MORN1: variants seen among roughly 807,000 people sequenced by gnomAD.
MORN1 encodes MORN repeat-containing protein 1.
Under a neutral mutation model 61.9 loss-of-function variants are expected in MORN1, and 67 were observed. That is an observed-to-expected ratio of 1.08 (90% CI 0.89 to 1.33). The LOEUF (loss-of-function observed/expected upper bound fraction) is 1.33. Among genes scored for constraint, MORN1 ranks in the 40% most tolerant of loss-of-function variants. MORN1 has a pLI of 0.00. For synonymous variants in MORN1, 301 were observed against 292.0 expected, an observed-to-expected ratio of 1.03 and a Z score of -0.31; for missense variants, 752 against 691.2, an observed-to-expected ratio of 1.09 and a Z score of -0.99.
chr1:2,389,956 A>G lies in MORN1; in HGVS notation c.117T>C (p.Tyr39=), dbSNP rs1413087478. The change falls in exon 2 of 14, where the codon TAT becomes TAC. Residue 39 remains tyrosine (Y), a synonymous_variant. Transcript: ENST00000378531. The part of the protein sequence containing the change: ...VYVYPNSFFR[Y]EGEWKAGRKH... Reference sequence around the variant, plus strand: ...TCCTCCCTGCTTTCCATTCTCCTTCATATCGAAAGAAGGAATTTGGGTATA... The same window carrying G: ...TCCTCCCTGCTTTCCATTCTCCTTCGTATCGAAAGAAGGAATTTGGGTATA... 6.2e-7 allele frequency: 1 copy of G among 1,613,972 alleles called. No homozygotes were observed. The highest frequency in any genetic ancestry group is 1.3e-5 in the African/African-American group (1 of 74,918).
intron 8 of MORN1, among the ~76,000 whole-genome samples, chr1:2,360,204 C>A (rs1641863424): frequency 6.6e-6 from 1 of 152,162 alleles, no homozygotes; most frequent in Admixed American, 6.5e-5. Context: ...AGGAACCCAG[C>A]CTCTCATCTT....
intron 13 of MORN1, 21 bp from the exon 14 acceptor site, chr1:2,321,600 G>A: frequency 6.8e-7 from 1 of 1,461,032 alleles, no homozygotes; most frequent in South Asian, 1.4e-5. Context: ...CGGGTGGGCT[G>A]GTCCTCAGCA....
chr1:2,385,740 A>G (rs1167950394), intron 5 of MORN1, 67 bp downstream of exon 5: 18 of 1,461,114 alleles, frequency 1.2e-5, no homozygotes, highest in Admixed American at 1.0e-4. Context: ...CCCCCAGGCC[A>G]CATGGCCTCA....
At position 2,337,936 on chromosome 1, in the gene MORN1, C is replaced by G. The variant is rs1401126512; in HGVS notation, c.1037-1086G>C. ...CTCCAGGATGGATAGAAGGGTGGAG[C>G]CAAGACAGTGCCCAGGAGGGAAGGA... On this transcript the variant is annotated intron_variant, in intron 10 of 13. Transcript: ENST00000378531. This position sits in a 1 kb window ranked among gnomAD's most constrained non-coding sequence, Gnocchi z 5.7. Among the ~76,000 whole-genome samples the G allele has an allele frequency of 1.3e-5, 2 of 152,172 alleles. No homozygotes were observed. The highest frequency in any genetic ancestry group is 4.8e-5 in the African/African-American group (2 of 41,450).
At chr1:2,383,666 G>A (rs1240322737) in intron 6 of MORN1, among the ~76,000 whole-genome samples, 1 of 152,216 alleles carries the variant, frequency 6.6e-6, no homozygotes, top group Non-Finnish European at 1.5e-5. Flanking sequence ...CCTGCGCTGC[G>A]TTTAGAGACC....
intron 12 of MORN1, among the ~76,000 whole-genome samples, chr1:2,327,768 C>T (rs1322010298): frequency 2.0e-5 from 3 of 152,352 alleles, no homozygotes; most frequent in South Asian, 2.1e-4. Context: ...GTGCTGCGCC[C>T]GGCTCCCTCC....
rs1398602685 is a variant in MORN1, at chr1:2,337,010, T to A, written c.1037-160A>T. 6.6e-6 allele frequency among the ~76,000 whole-genome samples: 1 copy of A among 151,958 alleles called. No individual in the cohort carries two copies. The highest frequency in any genetic ancestry group is 1.5e-5 in the Non-Finnish European group (1 of 67,948). ...GGGGCAGGTCAGGGGGCAGGGACTG[T>A]CCATCCTGGGTGCTCCCTCCGGCCG... On this transcript the variant is annotated intron_variant, in intron 10 of 13. Coordinates refer to ENST00000378531, the MANE Select transcript of MORN1 (RefSeq NM_024848.3). The surrounding 1 kb of genome is among the most constrained non-coding windows in gnomAD (Gnocchi z 5.7).
chr1:2,351,632 GC>G, intron 10 of MORN1: 2 of 314,668 alleles, frequency 6.4e-6, no homozygotes, highest in Non-Finnish European at 1.2e-5. Flanking sequence ...GGCGCCCCCA[GC>G]AAGCTTCTTT....
chr1:2,336,924 C>T (rs1641293168), intron 10 of MORN1, 74 bp from the exon 11 acceptor site: 13 of 1,411,246 alleles, frequency 9.2e-6, no homozygotes, highest in Admixed American at 5.9e-5. Context: ...CAGGGCTGTG[C>T]TGAAGTGTGG....
At chr1:2,368,051 C>A (rs952513699) in intron 8 of MORN1, among the ~76,000 whole-genome samples, 2 of 152,202 alleles carry the variant, frequency 1.3e-5, no homozygotes, top group Non-Finnish European at 2.9e-5. Flanking sequence ...TGGGTTTCAT[C>A]GAAACTTAAA....
Position 2,374,395 on chromosome 1 carries a change from C to T in MORN1, c.634+66G>A, listed in dbSNP as rs1570020818. ...TTGGTCAGTGTTTCCCATATGGCTG[C>T]CCGGGGGCCAGGGACACACCCCACA... On this transcript the variant is annotated intron_variant, in intron 7 of 13. Coordinates refer to ENST00000378531, the MANE Select transcript of MORN1 (RefSeq NM_024848.3). 5.6e-6 allele frequency: 8 copies of T among 1,423,908 alleles called. No homozygotes were observed. The South Asian group carries it at 9.9e-5, about 18-fold the overall frequency. The allele number at this position is 1,423,908 out of a possible 1,614,324, so 88.2% of individuals were successfully genotyped here.
rs1182397279 is a variant in MORN1 at position 2,357,675 on chromosome 1, C to T, written c.870-77G>A. ...GTGCAGGCAGACAGCGTGGCCCACG[C>T]CCTGGACCCTGGGACTTGCCTACAC... On this transcript the variant is annotated intron_variant, in intron 9 of 13. Coordinates refer to ENST00000378531, the MANE Select transcript of MORN1 (RefSeq NM_024848.3). This position sits in a 1 kb window ranked among gnomAD's most constrained non-coding sequence, Gnocchi z 6.3. 7 of 1,480,576 alleles carry T rather than the reference C, an allele frequency of 4.7e-6. No homozygotes were observed. Among genetic ancestry groups the T allele is most frequent in the African/African-American group, 2.8e-5 (2 of 70,660 alleles). The allele number at this position is 1,480,576 out of a possible 1,614,324, so 91.7% of individuals were successfully genotyped here.
At chr1:2,383,339 GGA>G (rs1272665742) in intron 6 of MORN1, among the ~76,000 whole-genome samples, 1 of 152,162 alleles carries the variant, frequency 6.6e-6, no homozygotes, top group Non-Finnish European at 1.5e-5. Flanking sequence ...CACCTCAGGG[GGA>G]GTTTCCTGAG....
intron 12 of MORN1, 110 bp from the exon 13 acceptor site, chr1:2,324,253 G>A: frequency 8.5e-7 from 1 of 1,171,002 alleles, no homozygotes; most frequent in Non-Finnish European, 1.2e-6. Flanking sequence ...CAGGGCCCCA[G>A]CACAGCAGAG....
rs982230600 is a variant in MORN1 at position 2,334,872 on chromosome 1, G to A, written c.1250+1597C>T. Among the ~76,000 whole-genome samples, 5 of 152,336 alleles carry A rather than the reference G, an allele frequency of 3.3e-5. No homozygotes were observed. In the East Asian group the frequency reaches 7.7e-4, roughly 24 times the overall value. Reference sequence around the variant, plus strand: ...AAGACGTTCCAACATCACCCTCAGCGCGGAGGTTGCCACGGTTCTGGAGCG... The same window carrying A: ...AAGACGTTCCAACATCACCCTCAGCACGGAGGTTGCCACGGTTCTGGAGCG... On this transcript the variant is annotated intron_variant, in intron 12 of 13. Coordinates refer to ENST00000378531, the MANE Select transcript of MORN1 (RefSeq NM_024848.3). The surrounding 1 kb of genome is among the most constrained non-coding windows in gnomAD (Gnocchi z 5.4).
intron 13 of MORN1, chr1:2,322,162 C>T: frequency 1.0e-6 from 1 of 985,376 alleles, no homozygotes; most frequent in Non-Finnish European, 1.2e-6. Flanking sequence ...AAGTACTTTT[C>T]CTTTCACAGT....
At chr1:2,379,267 A>C (rs1642318083) in intron 6 of MORN1, 1 of 416,030 alleles carries the variant, frequency 2.4e-6, no homozygotes, top group Admixed American at 3.1e-5. Flanking sequence ...CGAGGTGGGC[A>C]GAGGTGAAGG....
At chr1:2,385,707 G>A in intron 5 of MORN1, 100 bp downstream of exon 5, 1 of 1,098,868 alleles carries the variant, frequency 9.1e-7, no homozygotes, top group Non-Finnish European at 1.4e-6. Flanking sequence ...GGCCCGGGGT[G>A]TCCCATGGCA....
chr1:2,323,107 CAG>C, intron 13 of MORN1: 6 of 985,434 alleles, frequency 6.1e-6, no homozygotes, highest in Non-Finnish European at 6.0e-6. Context: ...CCTGTCACTG[CAG>C]AGATGTCCCC....
Sources: gnomAD v4.1 joint callset for allele counts (sites outside exome capture counted in the v4.1 genomes callset) on GRCh38, gnomAD v4.1.1 for gene constraint, Gnocchi (gnomAD v3.1) non-coding constraint, MANE v1.5 for transcripts, NCBI Gene and HGNC (gene_info 2026-07-23, HGNC 2026-07-21) for gene names.